Variants in IL16 observed in about 807,000 individuals in gnomAD.
IL16 encodes the protein interleukin 16.
Under a neutral mutation model 110.1 loss-of-function variants are expected in IL16, and 67 were observed. That is an observed-to-expected ratio of 0.61 (90% CI 0.50 to 0.75). The LOEUF (loss-of-function observed/expected upper bound fraction) is 0.75. IL16 is among the 30% of genes least tolerant of loss of function. The probability of loss-of-function intolerance (pLI) is 0.00; values close to 1 mark genes in which losing one functional copy is unlikely to be tolerated. For missense variants in IL16, 1,545 were observed against 1,655.0 expected (o/e 0.93, Z 1.15); for synonymous variants, 689 against 662.9 (o/e 1.04, Z -0.61).
rs531819131 is a variant in IL16 at position 81,264,069 on chromosome 15, C to T, written c.422-1590C>T. Among the ~76,000 whole-genome samples the T allele has an allele frequency of 2.8e-4, 42 of 152,302 alleles. No individual in the cohort carries two copies. The South Asian group carries it at 8.3e-3, about 30-fold the overall frequency. ...AGGTTGGGTGGAGCACTGAAATCTACCTTTCTATTAAACACTCCGGATAAA... is the reference window on the plus strand; with the variant it reads ...AGGTTGGGTGGAGCACTGAAATCTATCTTTCTATTAAACACTCCGGATAAA... On this transcript the variant is annotated intron_variant, in intron 3 of 18. Coordinates refer to ENST00000683961, the MANE Select transcript of IL16 (RefSeq NM_172217.5).
At chr15:81,297,699 G>T (rs1312024224) in intron 13 of IL16, among the ~76,000 whole-genome samples, 6 of 152,190 alleles carry the variant, frequency 3.9e-5, no homozygotes, top group Non-Finnish European at 7.3e-5. Flanking sequence ...TCAGCAATGT[G>T]TGGAAGAGCA....
chr15:81,243,743 A>AC (rs1251034861), intron 2 of IL16, among the ~76,000 whole-genome samples: 62 of 152,278 alleles, frequency 4.1e-4, no homozygotes, highest in Admixed American at 3.1e-3. Context: ...ATAGTTATAG[A>AC]ACTATTCAAA....
chr15:81,231,828 A>C (rs1428335740), intron 2 of IL16, among the ~76,000 whole-genome samples: 4 of 152,156 alleles, frequency 2.6e-5, no homozygotes, highest in Non-Finnish European at 4.4e-5. Context: ...CAATGTAGTC[A>C]ACACCATTTT....
At chr15:81,258,003 C>T (rs1898010443) in intron 2 of IL16, among the ~76,000 whole-genome samples, 1 of 152,132 alleles carries the variant, frequency 6.6e-6, no homozygotes, top group Non-Finnish European at 1.5e-5. Context: ...CACAGACACA[C>T]ACACAGATGT....
chr15:81,187,167 T>G (rs1229985790), intron 1 of IL16, among the ~76,000 whole-genome samples: 1 of 152,230 alleles, frequency 6.6e-6, no homozygotes, highest in Non-Finnish European at 1.5e-5. Flanking sequence ...TACATCTAAC[T>G]TTCAATATTT....
chr15:81,206,507 A>G (rs4435218), intron 1 of IL16, among the ~76,000 whole-genome samples: 21,140 of 152,214 alleles, frequency 0.14, 1,936 homozygotes, highest in East Asian at 0.39. Context: ...CAAAACACAG[A>G]ATAATCATTC....
rs748773612 is a variant in IL16 at position 81,279,607 on chromosome 15, C to T, written c.914C>T (p.Ala305Val). 22 of 1,613,890 alleles carry T rather than the reference C, an allele frequency of 1.4e-5. No individual in the cohort carries two copies. Among genetic ancestry groups the T allele is most frequent in the African/African-American group, 4.0e-5 (3 of 74,952 alleles). ...CTCACCGTGAGAACCCGCCTGACGG[C>T]GCCTCCTTCCCTGTGCAGCCACCTG... Reference protein sequence around the residue: ...LTLTVRTRLTAPPSLCSHLSP... With the variant: ...LTLTVRTRLTVPPSLCSHLSP... Residue 305 changes from alanine (A) to valine (V), a missense_variant, in exon 8 of 19, where the codon GCG becomes GTG. Transcript: ENST00000683961.
chr15:81,274,918 G>T (rs970592579), intron 6 of IL16, among the ~76,000 whole-genome samples: 8 of 151,560 alleles, frequency 5.3e-5, no homozygotes, highest in African/African-American at 2.0e-4. Flanking sequence ...GTTTTCAGAG[G>T]CTTCAGGAAG....
rs200434072 is a variant in IL16 at position 81,313,336 on chromosome 15, C to T, written c.*4538C>T. On this transcript the variant is annotated 3_prime_UTR_variant, in exon 19 of 19. Transcript: ENST00000683961. ...CTGCGGGGGAAGAAGGAGTCCACCA[C>T]GTTCTGTGGGAGGTAACCGCTGAGG... is the stretch of plus-strand genomic sequence containing the variant. The T allele has an allele frequency of 5.8e-5, 92 of 1,577,746 alleles. 1 individual carries two copies. The East Asian group carries it at 8.9e-4, about 15-fold the overall frequency.
intron 2 of IL16, among the ~76,000 whole-genome samples, chr15:81,253,164 T>C (rs558509317): frequency 6.6e-6 from 1 of 152,308 alleles, no homozygotes; most frequent in African/African-American, 2.4e-5. Context: ...ATTATAGCCA[T>C]CCTAGTGCAT....
intron 2 of IL16, among the ~76,000 whole-genome samples, chr15:81,228,355 C>T (rs1041563533): frequency 4.7e-5 from 7 of 147,774 alleles, no homozygotes; most frequent in African/African-American, 1.5e-4. Context: ...GAGTCTCGCT[C>T]TGTTGCCCAG....
rs1325514407 is a variant in IL16 at position 81,310,862 on chromosome 15, A to G, written c.*2064A>G. The G allele has an allele frequency of 6.6e-6, 1 of 152,238 alleles. No homozygotes were observed. Among genetic ancestry groups the G allele is most frequent in the Non-Finnish European group, 1.5e-5 (1 of 68,106 alleles). The allele number at this position is 152,238 out of a possible 1,614,324, so 9.4% of individuals were successfully genotyped here. The stretch of plus-strand genomic sequence containing the variant: ...AGACCAGGCAAAGCAAGTGATTGGG[A>G]CAGAGGTTATCTGTCCCAGGTTATC... On this transcript the variant is annotated 3_prime_UTR_variant, in exon 19 of 19. Coordinates refer to ENST00000683961, the MANE Select transcript of IL16 (RefSeq NM_172217.5).
intron 12 of IL16, chr15:81,295,584 C>A: frequency 9.3e-7 from 1 of 1,073,926 alleles, no homozygotes; most frequent in Non-Finnish European, 1.3e-6. Flanking sequence ...GATCATCAGG[C>A]CAATATTTGG....
At position 81,313,160 on chromosome 15, in the gene IL16, C is replaced by T. The variant is rs920723924; in HGVS notation, c.*4362C>T. On this transcript the variant is annotated 3_prime_UTR_variant, in exon 19 of 19. Coordinates refer to ENST00000683961, the MANE Select transcript of IL16 (RefSeq NM_172217.5). ...CCATCAGCTTGTTCCAAAGAGTGAA[C>T]ACAGGCCTCTGCGTGCTCCCAGGCT... 2 of 1,384,228 alleles carry T rather than the reference C, an allele frequency of 1.4e-6. No homozygotes were observed. The highest frequency in any genetic ancestry group is 3.0e-5 in the African/African-American group (2 of 66,930). The allele number at this position is 1,384,228 out of a possible 1,614,324, so 85.7% of individuals were successfully genotyped here.
At chr15:81,193,269 G>A (rs757242363), upstream of IL16, among the ~76,000 whole-genome samples, 1 of 152,136 alleles carries the variant, frequency 6.6e-6, no homozygotes, top group Non-Finnish European at 1.5e-5. Flanking sequence ...TTATTAGGGG[G>A]GGAATCAAGA....
intron 2 of IL16, among the ~76,000 whole-genome samples, chr15:81,233,601 C>T (rs1182567635): frequency 6.6e-6 from 1 of 150,964 alleles, no homozygotes; most frequent in Non-Finnish European, 1.5e-5. Flanking sequence ...CATGCATATA[C>T]ACACACACAC....
At chr15:81,233,777 G>A (rs11638115) in intron 2 of IL16, among the ~76,000 whole-genome samples, 35,826 of 151,738 alleles carry the variant, frequency 0.24, 4,903 homozygotes, top group African/African-American at 0.37. Context: ...GAAGATATTT[G>A]TCTACCCATT....
chr15:81,225,251 TGTC>T, intron 1 of IL16, 45 bp from the exon 2 acceptor site: 1 of 1,439,646 alleles, frequency 6.9e-7, no homozygotes, highest in Non-Finnish European at 9.2e-7. Context: ...CAGCTCCACT[TGTC>T]AGCAGCAAGT....
At chr15:81,188,471 T>C in intron 1 of IL16, 2 of 455,044 alleles carry the variant, frequency 4.4e-6, no homozygotes, top group South Asian at 3.1e-5. Context: ...TAATAACCCA[T>C]TTTACAGATG....
Sources: gnomAD v4.1 joint callset for allele counts (sites outside exome capture counted in the v4.1 genomes callset) on GRCh38, gnomAD v4.1.1 for gene constraint, MANE v1.5 for transcripts, NCBI Gene and HGNC (gene_info 2026-07-23, HGNC 2026-07-21) for gene names.